ERI2: variants seen among roughly 807,000 people sequenced by gnomAD.
The protein encoded by ERI2 is ERI1 exoribonuclease 2.
Under a neutral mutation model 46.8 loss-of-function variants are expected in ERI2, and 35 were observed. The observed-to-expected ratio is 0.75, with a 90% CI of 0.57 to 0.99. ERI2 has a LOEUF of 0.99. Among genes scored for constraint, ERI2 ranks in the 50% least tolerant of loss-of-function variants. The probability of loss-of-function intolerance (pLI) is 0.00; values close to 1 mark genes in which losing one functional copy is unlikely to be tolerated. For synonymous variants in ERI2, 224 were observed against 271.0 expected, an observed-to-expected ratio of 0.83 and a Z score of 1.70; for missense variants, 695 against 796.2, an observed-to-expected ratio of 0.87 and a Z score of 1.53.
At chr16:20,786,275 G>T in intron 10 of ERI2, 2 of 1,444,768 alleles carry the variant, frequency 1.4e-6, no homozygotes, top group Non-Finnish European at 1.8e-6. Context: ...TTACTTCCAT[G>T]ATACTTTAAT....
chr16:20,801,221 C>A lies in ERI2; in HGVS notation c.442G>T (p.Ala148Ser). The change falls in exon 5 of 9, where the codon GCA becomes TCA. Residue 148 changes from alanine (A) to serine (S), a missense_variant. Physicochemically the swap from Ala to Ser is moderately conservative, Grantham distance 99 (BLOSUM62 1). Coordinates refer to ENST00000357967, the MANE Select transcript of ERI2 (RefSeq NM_001142725.2). ...TCTTTACCTGACCAAGTAACAAATG[C>A]ACATAATTTTACTTCAGAAGCAGAA... ...EPSASEVKLC[A>S]FVTWSDWDLG... The A allele has an allele frequency of 1.9e-6, 3 of 1,610,520 alleles. No individual in the cohort carries two copies. The highest frequency in any genetic ancestry group is 2.2e-5 in the South Asian group (2 of 90,462).
rs368996324 is a variant in ERI2 at position 20,800,797 on chromosome 16, G to C, written c.461-395C>G. On this transcript the variant is annotated intron_variant, in intron 5 of 8. Coordinates refer to ENST00000357967, the MANE Select transcript of ERI2 (RefSeq NM_001142725.2). Reference sequence around the variant, plus strand: ...GTATTGCTATTAATGACTATTAACAGCAATGCTCTAACACAGTCATACAAA... The same window carrying C: ...GTATTGCTATTAATGACTATTAACACCAATGCTCTAACACAGTCATACAAA... The C allele has an allele frequency of 1.8e-4, 32 of 176,248 alleles. No individual in the cohort carries two copies. The South Asian group carries it at 5.4e-3, about 30-fold the overall frequency. The allele number at this position is 176,248 out of a possible 1,614,324, so 10.9% of individuals were successfully genotyped here. A position where few individuals can be genotyped will look rare whatever the true frequency, so the allele number is the denominator to read the frequency against.
intron 10 of ERI2, chr16:20,785,186 T>C (rs8058758): frequency 0.53 from 831,185 of 1,558,908 alleles, 234,334 homozygotes; most frequent in Non-Finnish European, 0.59. Flanking sequence ...ACAGTCTCCT[T>C]ATGATTATTT....
Position 20,790,798 on chromosome 16 carries a change from G to A in ERI2, c.815+52C>T. 6.2e-7 allele frequency: 1 copy of A among 1,613,388 alleles called. No homozygotes were observed. The highest frequency in any genetic ancestry group is 8.5e-7 in the Non-Finnish European group (1 of 1,179,610). On this transcript the variant is annotated intron_variant, in intron 9 of 10. Transcript: ENST00000300005. The surrounding 1 kb of genome is among the most constrained non-coding windows in gnomAD (Gnocchi z 4.0). Reference sequence around the variant, plus strand: ...GGATAGGTACTTGACCCTTTCTTGAGAGATTGGTTGTCCTGAATAGTAATC... The same window carrying A: ...GGATAGGTACTTGACCCTTTCTTGAAAGATTGGTTGTCCTGAATAGTAATC...
At chr16:20,784,899 T>G in intron 10 of ERI2, 3 of 1,459,892 alleles carry the variant, frequency 2.1e-6, no homozygotes, top group Non-Finnish European at 2.8e-6. Flanking sequence ...AAACATTTTA[T>G]ATTGAAGTTC....
In ERI2 at chr16:20,799,008, T is replaced by C; in HGVS notation, c.792A>G (p.Glu264=). The change falls in exon 9 of 9, where the codon GAA becomes GAG. Residue 264 remains glutamate (E), a synonymous_variant. Coordinates refer to ENST00000357967, the MANE Select transcript of ERI2 (RefSeq NM_001142725.2). The stretch of plus-strand genomic sequence containing the variant: ...TGCTAATGTTACAGGCAGACATTTC[T>C]TCAACTTGAATTGTATTCAAATTTC... ...LARNLNTIQV[E]EMSACNISIQ... is the part of the protein sequence containing the mutation. 6.5e-7 allele frequency: 1 copy of C among 1,533,836 alleles called. No individual in the cohort carries two copies. Among genetic ancestry groups the C allele is most frequent in the South Asian group, 1.3e-5 (1 of 79,354 alleles).
chr16:20,801,335 G>T lies in ERI2; in HGVS notation c.328C>A (p.Leu110Met). 2 of 1,601,188 alleles carry T rather than the reference G, an allele frequency of 1.2e-6. No homozygotes were observed. The highest frequency in any genetic ancestry group is 8.5e-7 in the Non-Finnish European group (1 of 1,174,512). Residue 110 changes from leucine (L) to methionine (M), a missense_variant, in exon 5 of 9, where the codon CTG (leucine) becomes ATG (methionine). Physicochemically the swap from Leu to Met is conservative, Grantham distance 15. Transcript: ENST00000357967. Reference sequence around the variant, plus strand: ...CAGAACTGAGATAAGCAAATCTTCAGAGGGACTCCTTCATCAACTTGAGCC... The same window carrying T: ...CAGAACTGAGATAAGCAAATCTTCATAGGGACTCCTTCATCAACTTGAGCC... ...KQAQVDEGVP[L>M]KICLSQFCKW...
chr16:20,793,412 TG>T (rs745787781), downstream of ERI2, among the ~76,000 whole-genome samples: 6 of 152,114 alleles, frequency 3.9e-5, no homozygotes, highest in Non-Finnish European at 7.4e-5. Context: ...GAGGTTACAG[TG>T]AGCCAAGATC....
chr16:20,800,857 TTAAG>T (rs1255851099), intron 5 of ERI2: 1 of 178,720 alleles, frequency 5.6e-6, no homozygotes, highest in African/African-American at 2.4e-5. Flanking sequence ...TTTTTTTCTT[TTAAG>T]TGTCAAAGCA....
In ERI2 at chr16:20,781,095, C is replaced by T. The variant is rs117563656; in HGVS notation, c.895-361G>A. 2.1e-3 allele frequency: 3,414 copies of T among 1,614,052 alleles called. 6 individuals carry two copies. Among genetic ancestry groups the T allele is most frequent in the Non-Finnish European group, 2.6e-3 (3,119 of 1,180,006 alleles). On this transcript the variant is annotated intron_variant, in intron 10 of 10. Coordinates refer to the ERI2 transcript ENST00000300005. ...CCAGGGAGCATGTGTATTCACACAC[C>T]ATTTACCCCGTTTTGAGCCGACTTC...
downstream of ERI2, chr16:20,796,282 A>G (rs2080721926): frequency 6.5e-7 from 1 of 1,544,356 alleles, no homozygotes; most frequent in Non-Finnish European, 8.7e-7. Context: ...CCCACCAGGC[A>G]TGTAGATTCT....
Position 20,799,345 on chromosome 16 carries a change from T to G in ERI2, c.650A>C (p.Asp217Ala). ...EFSGREHSGL[D>A]DSRNTALLAW... ...AAGAAGGGCAGTATTCCGAGAATCG[T>G]CCAACCCTGAGGATACAGATATCAA... is the stretch of plus-strand genomic sequence containing the variant. The change falls in exon 8 of 9, where the codon GAC (aspartate) becomes GCC (alanine). Residue 217 changes from aspartate (D) to alanine (A), a missense_variant. By Grantham distance (126) the Asp-to-Ala change is moderately radical. Coordinates refer to ENST00000357967, the MANE Select transcript of ERI2 (RefSeq NM_001142725.2). 13 of 1,613,572 alleles carry G rather than the reference T, an allele frequency of 8.1e-6. No individual in the cohort carries two copies. The highest frequency in any genetic ancestry group is 1.1e-5 in the Non-Finnish European group (13 of 1,179,590).
Position 20,798,750 on chromosome 16 carries a change from A to G in ERI2, c.1050T>C (p.Pro350=). ...TTTTTCCTTGCTTTTGCATATAGAT[A>G]GGTGAATTCAAGGTAGGAGACTGCA... The part of the protein sequence containing the change: ...GQLQSPTLNS[P]IYMQKQGKNE... The change falls in exon 9 of 9, where the codon CCT becomes CCC. Residue 350 remains proline, a synonymous_variant. Coordinates refer to ENST00000357967, the MANE Select transcript of ERI2 (RefSeq NM_001142725.2). 6.4e-7 allele frequency: 1 copy of G among 1,551,624 alleles called. No homozygotes were observed. Among genetic ancestry groups the G allele is most frequent in the African/African-American group, 1.4e-5 (1 of 73,178 alleles).
At chr16:20,800,663 G>A in intron 5 of ERI2, 1 of 288,728 alleles carries the variant, frequency 3.5e-6, no homozygotes, top group Non-Finnish European at 6.4e-6. Context: ...AAATTACAAG[G>A]ACTATATTTT....
At chr16:20,780,747 A>C in intron 10 of ERI2, 1 of 1,614,224 alleles carries the variant, frequency 6.2e-7, no homozygotes, top group Non-Finnish European at 8.5e-7. Context: ...GTGTGAAGAC[A>C]AAACACAATG....
At position 20,790,493 on chromosome 16, in the gene ERI2, A is replaced by G. The variant is rs2080572912; in HGVS notation, c.815+357T>C. 11 of 1,298,540 alleles carry G rather than the reference A, an allele frequency of 8.5e-6. No homozygotes were observed. The highest frequency in any genetic ancestry group is 1.5e-5 in the African/African-American group (1 of 66,344). 80.4% of individuals were successfully genotyped at this position (1,298,540 alleles called of 1,614,324 possible). On this transcript the variant is annotated intron_variant, in intron 9 of 10. Transcript: ENST00000300005. This position sits in a 1 kb window ranked among gnomAD's most constrained non-coding sequence, Gnocchi z 4.0. ...ATTTTTTTTAAGTCTTCATTTTTAA[A>G]TGGCAAAAGCCAAAATAAAACTTGC... is the stretch of plus-strand genomic sequence containing the variant.
intron 8 of ERI2, among the ~76,000 whole-genome samples, chr16:20,791,311 G>C (rs976721223): frequency 3.0e-4 from 45 of 152,256 alleles, no homozygotes; most frequent in African/African-American, 1.0e-3. Flanking sequence ...AAACAAACCT[G>C]TCTGCTCTTT....
In ERI2 at chr16:20,787,895, G is replaced by C. The variant is rs193007181; in HGVS notation, c.894+1584C>G. 1.2e-3 allele frequency among the ~76,000 whole-genome samples: 184 copies of C among 152,294 alleles called. 1 individual carries two copies. The highest frequency in any genetic ancestry group is 4.3e-3 in the African/African-American group (179 of 41,538). On this transcript the variant is annotated intron_variant, in intron 10 of 10. Transcript: ENST00000300005. The stretch of plus-strand genomic sequence containing the variant: ...TTTAGCACTTAAGGCAATACATCCT[G>C]AAGAACCACCCCCCGACAACCCCTC...
At chr16:20,786,333 C>T in intron 10 of ERI2, 1 of 1,304,486 alleles carries the variant, frequency 7.7e-7, no homozygotes. Flanking sequence ...TCTTGGTCTC[C>T]ATTATTTTGC....
Sources: allele counts gnomAD v4.1 joint callset (sites outside exome capture counted in the v4.1 genomes callset), GRCh38; gene constraint gnomAD v4.1.1; non-coding constraint Gnocchi (gnomAD v3.1); transcripts MANE v1.5; gene names NCBI Gene and HGNC (gene_info 2026-07-23, HGNC 2026-07-21).